Variants in COL18A1 observed in about 807,000 individuals in gnomAD.
The protein encoded by COL18A1 is collagen alpha-1(XVIII) chain.
A neutral mutation model predicts 168.0 loss-of-function variants in COL18A1; 133 were observed. That is an observed-to-expected ratio of 0.79 (90% CI 0.69 to 0.91). COL18A1 has a LOEUF of 0.91. Among genes scored for constraint, COL18A1 ranks in the 40% least tolerant of loss-of-function variants. COL18A1 has a pLI of 0.00. For missense variants in COL18A1, 2,126 were observed against 1,925.4 expected, an observed-to-expected ratio of 1.10 and a Z score of -1.95; for synonymous variants, 949 against 809.0, an observed-to-expected ratio of 1.17 and a Z score of -2.94.
Position 45,425,559 on chromosome 21 carries a change from T to C in COL18A1, c.106+20086T>C, listed in dbSNP as rs1602355334. Among the ~76,000 whole-genome samples, 1 of 152,144 alleles carries C rather than the reference T, an allele frequency of 6.6e-6. No homozygotes were observed. ...ATGAACACTGCACAGCTACCTCCCG[T>C]GGGCTGCCCTGTGAGGTGTGGAGCT... On this transcript the variant is annotated intron_variant, in intron 2 of 41. Coordinates refer to ENST00000651438, the MANE Select transcript of COL18A1 (RefSeq NM_001379500.1). The surrounding 1 kb of genome is among the most constrained non-coding windows in gnomAD (Gnocchi z 4.1).
intron 4 of COL18A1, among the ~76,000 whole-genome samples, chr21:45,474,668 C>T (rs1423995635): frequency 1.3e-5 from 2 of 152,100 alleles, no homozygotes; most frequent in Non-Finnish European, 2.9e-5. Flanking sequence ...AGGGAATTCT[C>T]ACTCAGGGGC....
At chr21:45,476,202 C>G in intron 5 of COL18A1, 149 bp from the exon 6 acceptor site, 1 of 1,206,380 alleles carries the variant, frequency 8.3e-7, no homozygotes, top group Non-Finnish European at 1.2e-6. Context: ...AAGGAAGCCC[C>G]TCGCGCACGG....
intron 25 of COL18A1, 86 bp from the exon 26 acceptor site, chr21:45,493,415 C>A: frequency 1.5e-6 from 2 of 1,374,884 alleles, no homozygotes; most frequent in South Asian, 2.5e-5. Context: ...GAGGCCCAGT[C>A]ACAGCGGCCC....
intron 2 of COL18A1, among the ~76,000 whole-genome samples, chr21:45,442,228 G>T (rs1363017172): frequency 6.6e-6 from 1 of 152,204 alleles, no homozygotes; most frequent in Admixed American, 6.5e-5. Context: ...CAGGGTGCAC[G>T]TGAGGAAACC....
Position 45,468,803 on chromosome 21 carries a change from C to T in COL18A1, c.651+17C>T, listed in dbSNP as rs578202936. On this transcript the variant is annotated intron_variant, in intron 3 of 41. Coordinates refer to ENST00000651438, the MANE Select transcript of COL18A1 (RefSeq NM_001379500.1). ...AAGTTCCAGGTAACCCCCACTGTGCCGTCGCTGGGGGACTGGAGCAGCTGG... is the reference window on the plus strand; with the variant it reads ...AAGTTCCAGGTAACCCCCACTGTGCTGTCGCTGGGGGACTGGAGCAGCTGG... The T allele has an allele frequency of 5.0e-5, 60 of 1,205,738 alleles. No individual in the cohort carries two copies. The highest frequency in any genetic ancestry group is 2.2e-4 in the African/African-American group (15 of 66,722). 74.7% of individuals were successfully genotyped at this position (1,205,738 alleles called of 1,614,324 possible). A position where few individuals can be genotyped will look rare whatever the true frequency, so the allele number is the denominator to read the frequency against.
Position 45,510,047 on chromosome 21 carries a change from C to A in COL18A1, c.3496-17C>A. 1 of 1,545,058 alleles carries A rather than the reference C, an allele frequency of 6.5e-7. No homozygotes were observed. On this transcript the variant is annotated splice_polypyrimidine_tract_variant and intron_variant, in intron 39 of 41. Transcript: ENST00000651438. ...GCAGCGTGGGACACAGCCCGTGACGCGCCCCTCTCCCCGCAGCTCCACCTG... is the reference window on the plus strand; with the variant it reads ...GCAGCGTGGGACACAGCCCGTGACGAGCCCCTCTCCCCGCAGCTCCACCTG...
chr21:45,458,774 G>A (rs992303655), intron 2 of COL18A1, among the ~76,000 whole-genome samples: 6 of 152,198 alleles, frequency 3.9e-5, no homozygotes, highest in Admixed American at 2.6e-4. Flanking sequence ...TGTGGGAGGG[G>A]AAACGCCAGG....
rs1025778039 is a variant in COL18A1, at chr21:45,437,459, G to C, written c.107-30783G>C. Among the ~76,000 whole-genome samples, 6 of 3,848 alleles carry C rather than the reference G, an allele frequency of 1.6e-3. 1 individual carries two copies. The highest frequency in any genetic ancestry group is 7.2e-3 in the Admixed American group (2 of 276). 2.5% of individuals were successfully genotyped at this position (3,848 alleles called of 152,430 possible). ...GCACACACACACTCACTCACAGACA[G>C]ACACACAGGCACTCTCCTGCACACA... On this transcript the variant is annotated intron_variant, in intron 2 of 41. Coordinates refer to ENST00000651438, the MANE Select transcript of COL18A1 (RefSeq NM_001379500.1).
chr21:45,512,625 C>T lies in COL18A1; in HGVS notation c.*227C>T. The T allele has an allele frequency of 1.7e-6, 1 of 591,538 alleles. No individual in the cohort carries two copies. Among genetic ancestry groups the T allele is most frequent in the South Asian group, 2.0e-5 (1 of 50,582 alleles). 36.6% of individuals were successfully genotyped at this position (591,538 alleles called of 1,614,324 possible). A position where few individuals can be genotyped will look rare whatever the true frequency, so the allele number is the denominator to read the frequency against. On this transcript the variant is annotated 3_prime_UTR_variant, in exon 42 of 42. Transcript: ENST00000651438. ...GCTGACATTCACCTGCCCCAACTCT[C>T]CCCTGACCTGTGAGCCCAGCTGGGT...
At chr21:45,437,512 GCA>G (rs201264091) in intron 2 of COL18A1, among the ~76,000 whole-genome samples, 2 of 24,598 alleles carry the variant, frequency 8.1e-5, no homozygotes, top group Non-Finnish European at 1.4e-4. Context: ...GCACTCTCCT[GCA>G]CACACACACT....
chr21:45,475,191 T>G (rs1206906036), intron 4 of COL18A1, among the ~76,000 whole-genome samples: 1 of 152,052 alleles, frequency 6.6e-6, no homozygotes, highest in African/African-American at 2.4e-5. Context: ...AGGAGCGCGT[T>G]CCCCCTCCCG....
intron 26 of COL18A1, chr21:45,494,164 G>GCCCA: frequency 2.4e-6 from 1 of 415,408 alleles, no homozygotes; most frequent in Non-Finnish European, 4.5e-6. Flanking sequence ...GGATCCCCAG[G>GCCCA]CCCAGTGAGA....
intron 15 of COL18A1, among the ~76,000 whole-genome samples, chr21:45,486,332 G>C (rs11089006): frequency 0.12 from 12,103 of 97,878 alleles, 1,694 homozygotes; most frequent in Middle Eastern, 0.21. Context: ...CCCCTCGCCT[G>C]CCGGGGAGCC....
At position 45,477,402 on chromosome 21, in the gene COL18A1, T is replaced by A; in HGVS notation, c.929-9T>A. 1.2e-6 allele frequency: 2 copies of A among 1,611,186 alleles called. No homozygotes were observed. Among genetic ancestry groups the A allele is most frequent in the Non-Finnish European group, 1.7e-6 (2 of 1,178,930 alleles). On this transcript the variant is annotated splice_polypyrimidine_tract_variant and intron_variant, in intron 6 of 41. Transcript: ENST00000651438. Reference sequence around the variant, plus strand: ...GCGTGACCGTGGCCACCTCTGCTTCTCTTCCCAGCTCAGACACTTCCTGGC... The same window carrying A: ...GCGTGACCGTGGCCACCTCTGCTTCACTTCCCAGCTCAGACACTTCCTGGC...
intron 2 of COL18A1, among the ~76,000 whole-genome samples, chr21:45,449,035 AGAG>A (rs2034564738): frequency 6.6e-6 from 1 of 152,202 alleles, no homozygotes; most frequent in Non-Finnish European, 1.5e-5. Context: ...TGTCAGGGGC[AGAG>A]GTGGCAGCTG....
intron 3 of COL18A1, among the ~76,000 whole-genome samples, chr21:45,469,497 G>A (rs571699446): frequency 6.6e-6 from 1 of 152,352 alleles, no homozygotes; most frequent in African/African-American, 2.4e-5. Context: ...CCCCAGCGGT[G>A]AACGCACGTG....
chr21:45,422,291 G>T, intron 2 of COL18A1: 1 of 350,388 alleles, frequency 2.9e-6, no homozygotes. Flanking sequence ...TGTCTGTAGA[G>T]GGGCAGGAGG....
chr21:45,494,294 T>C (rs974137294), intron 26 of COL18A1: 1 of 488,160 alleles, frequency 2.0e-6, no homozygotes, highest in Non-Finnish European at 3.7e-6. Flanking sequence ...GGGGCATGCA[T>C]GCACGCACCA....
chr21:45,489,531 G>A lies in COL18A1; in HGVS notation c.1959+10G>A. The A allele has an allele frequency of 6.3e-7, 1 of 1,585,798 alleles. No individual in the cohort carries two copies. On this transcript the variant is annotated intron_variant, in intron 19 of 41. Coordinates refer to ENST00000651438, the MANE Select transcript of COL18A1 (RefSeq NM_001379500.1). ...GCTGCCGGGGGCGAAGGTAAGCGCT[G>A]TGCCCGGGTTCAGGGACGTGGCCAG...
Sources: allele counts gnomAD v4.1 joint callset (sites outside exome capture counted in the v4.1 genomes callset), GRCh38; gene constraint gnomAD v4.1.1; non-coding constraint Gnocchi (gnomAD v3.1); transcripts MANE v1.5; gene names NCBI Gene and HGNC (gene_info 2026-07-23, HGNC 2026-07-21).